Variants in AVEN observed in about 807,000 individuals in gnomAD.
AVEN encodes apoptosis and caspase activation inhibitor.
A neutral mutation model predicts 38.1 loss-of-function variants in AVEN; 41 were observed. That is an observed-to-expected ratio of 1.08 (90% CI 0.84 to 1.40). AVEN has a LOEUF of 1.40. Among genes scored for constraint, AVEN ranks in the 40% most tolerant of loss-of-function variants. The pLI is 0.00. For missense variants in AVEN, 605 were observed against 438.8 expected (o/e 1.38, Z -3.38); for synonymous variants, 206 against 171.8 (o/e 1.20, Z -1.56).
intron 2 of AVEN, among the ~76,000 whole-genome samples, chr15:33,955,214 G>A (rs1310105664): frequency 1.3e-5 from 2 of 151,388 alleles, no homozygotes; most frequent in East Asian, 3.9e-4. Context: ...TTAATCTTTT[G>A]TCTTAGTGAC....
chr15:34,074,178 A>C (rs1240193225), intron 1 of AVEN, among the ~76,000 whole-genome samples: 1 of 150,694 alleles, frequency 6.6e-6, no homozygotes, highest in Non-Finnish European at 1.5e-5. Context: ...TTGTATTTTT[A>C]GTAGAGATGG....
chr15:34,071,571 C>T (rs1413264499), intron 1 of AVEN, among the ~76,000 whole-genome samples: 4 of 152,100 alleles, frequency 2.6e-5, no homozygotes, highest in Admixed American at 2.6e-4. Flanking sequence ...GCACCGTGTC[C>T]AGCCAGGTGC....
In AVEN at chr15:34,006,579, T is replaced by C. The variant is rs538594608; in HGVS notation, c.268-3370A>G. Among the ~76,000 whole-genome samples the C allele has an allele frequency of 2.0e-5, 3 of 152,346 alleles. No homozygotes were observed. The East Asian group carries it at 5.8e-4, about 29-fold the overall frequency. ...TCTAAAACACCTAAGGAACGATTAA[T>C]GCAGTGAAACAAGCACTGAAATGGA... On this transcript the variant is annotated intron_variant, in intron 1 of 5. Transcript: ENST00000306730.
chr15:34,020,136 C>T (rs1186428451), intron 1 of AVEN, among the ~76,000 whole-genome samples: 1 of 151,876 alleles, frequency 6.6e-6, no homozygotes, highest in Non-Finnish European at 1.5e-5. Flanking sequence ...ATGGTGAAAC[C>T]CCGTCTCTAC....
chr15:33,855,017 T>A, downstream of AVEN: 1 of 1,176,970 alleles, frequency 8.5e-7, no homozygotes, highest in African/African-American at 1.6e-5. Flanking sequence ...TGTCTTGGTA[T>A]ATAATGTACT....
rs984586586 is a variant in AVEN, at chr15:33,954,594, T to C, written c.445+48438A>G. Among the ~76,000 whole-genome samples the C allele has an allele frequency of 1.3e-4, 19 of 145,838 alleles. No homozygotes were observed. The South Asian group carries it at 1.3e-3, about 10-fold the overall frequency. ...ATATGTTCTCACTCATAGGAGGGAATTGAACAATGAGAACACTTGGACACA... is the reference window on the plus strand; with the variant it reads ...ATATGTTCTCACTCATAGGAGGGAACTGAACAATGAGAACACTTGGACACA... On this transcript the variant is annotated intron_variant, in intron 2 of 5. Transcript: ENST00000306730.
At chr15:33,893,348 C>T (rs1303733800) in intron 2 of AVEN, among the ~76,000 whole-genome samples, 1 of 152,166 alleles carries the variant, frequency 6.6e-6, no homozygotes, top group Admixed American at 6.5e-5. Flanking sequence ...ATGATATTGG[C>T]TGTATCTCCA....
At chr15:34,060,972 C>T (rs1028408719) in intron 5 of AVEN, among the ~76,000 whole-genome samples, 2 of 150,748 alleles carry the variant, frequency 1.3e-5, no homozygotes, top group African/African-American at 2.4e-5. Context: ...GCCGAGATAG[C>T]GCCACTGTAC....
intron 2 of AVEN, among the ~76,000 whole-genome samples, chr15:33,919,189 G>A (rs1049048212): frequency 6.6e-6 from 1 of 152,084 alleles, no homozygotes; most frequent in African/African-American, 2.4e-5. Flanking sequence ...CCAAATTGCT[G>A]AGATTACAGG....
chr15:34,017,493 T>TC (rs1555516599), intron 1 of AVEN, among the ~76,000 whole-genome samples: 13 of 97,766 alleles, frequency 1.3e-4, no homozygotes, highest in Non-Finnish European at 2.2e-4. Flanking sequence ...TGTTTTTTTT[T>TC]TTTTTTTGAG....
intron 2 of AVEN, among the ~76,000 whole-genome samples, chr15:33,952,503 T>C (rs1894790058): frequency 6.6e-6 from 1 of 152,164 alleles, no homozygotes; most frequent in Admixed American, 6.5e-5. Context: ...GATACCAACA[T>C]ACTCAATGGC....
At position 33,867,842 on chromosome 15, in the gene AVEN, A is replaced by G. The variant is rs759127003; in HGVS notation, c.626T>C (p.Leu209Ser). 5.7e-6 allele frequency: 9 copies of G among 1,589,520 alleles called. No homozygotes were observed. The highest frequency in any genetic ancestry group is 7.7e-6 in the Non-Finnish European group (9 of 1,171,988). ...CTTTGGTTTCACCTGAGGAACCTCT[A>G]AAGGAACTGTACCCTGAAAGAGAAG... is the stretch of plus-strand genomic sequence containing the variant. ...AAELVQGTVP[L>S]EVPQVKPKRT... The change falls in exon 5 of 6, where the codon TTA (leucine) becomes TCA (serine). Residue 209 changes from leucine (L) to serine (S), a missense_variant. By Grantham distance (145) the Leu-to-Ser change is moderately radical. Transcript: ENST00000306730.
chr15:34,013,073 G>GT (rs71119912), intron 1 of AVEN, among the ~76,000 whole-genome samples: 23,268 of 151,684 alleles, frequency 0.15, 2,231 homozygotes, highest in Middle Eastern at 0.28. Context: ...TTGTTTGTTT[G>GT]TTTTTTGAGA....
chr15:33,988,614 G>T (rs1394261369), intron 2 of AVEN, among the ~76,000 whole-genome samples: 1 of 152,066 alleles, frequency 6.6e-6, no homozygotes, highest in East Asian at 1.9e-4. Flanking sequence ...GTGGCCACAG[G>T]GCTCATTTAC....
At chr15:33,914,700 G>A (rs1893056118) in intron 2 of AVEN, among the ~76,000 whole-genome samples, 1 of 151,584 alleles carries the variant, frequency 6.6e-6, no homozygotes, top group African/African-American at 2.4e-5. Context: ...TGGAGCAGGA[G>A]AAGGCAAGAA....
intron 2 of AVEN, among the ~76,000 whole-genome samples, chr15:33,956,238 GCT>G (rs1466221238): frequency 6.6e-6 from 1 of 152,130 alleles, no homozygotes; most frequent in East Asian, 1.9e-4. Context: ...CACCTGTCCT[GCT>G]CTAATGTGCT....
intron 2 of AVEN, among the ~76,000 whole-genome samples, chr15:33,942,142 C>T (rs1894339603): frequency 6.6e-6 from 1 of 152,166 alleles, no homozygotes; most frequent in African/African-American, 2.4e-5. Flanking sequence ...ATTAAATAAA[C>T]TCAGTTACTA....
intron 2 of AVEN, among the ~76,000 whole-genome samples, chr15:33,993,130 T>C (rs1896796377): frequency 6.6e-6 from 1 of 152,204 alleles, no homozygotes; most frequent in Non-Finnish European, 1.5e-5. Flanking sequence ...GCATATTGCA[T>C]GAATTCAATG....
intron 2 of AVEN, among the ~76,000 whole-genome samples, 185 bp from the exon 3 acceptor site, chr15:33,876,180 T>A (rs1891223369): frequency 6.6e-6 from 1 of 151,078 alleles, no homozygotes; most frequent in Non-Finnish European, 1.5e-5. Context: ...GATGACAATG[T>A]TAACATTTGA....
Sources: gnomAD v4.1 joint callset for allele counts (sites outside exome capture counted in the v4.1 genomes callset) on GRCh38, gnomAD v4.1.1 for gene constraint, MANE v1.5 for transcripts, NCBI Gene and HGNC (gene_info 2026-07-23, HGNC 2026-07-21) for gene names.